The following PRKCQ variants were observed in gnomAD, a reference collection of about 807,000 sequenced individuals.
The protein encoded by PRKCQ is protein kinase C theta.
A neutral mutation model predicts 91.2 loss-of-function variants in PRKCQ; 41 were observed. That is an observed-to-expected ratio of 0.45 (90% confidence interval 0.35 to 0.58). PRKCQ has a LOEUF of 0.58. Among genes scored for constraint, PRKCQ ranks in the 20% least tolerant of loss-of-function variants. The pLI, the probability that PRKCQ is intolerant of heterozygous loss-of-function variation, is 0.00. For synonymous variants in PRKCQ, 307 were observed against 316.9 expected (o/e 0.97, Z 0.33); for missense variants, 673 against 896.5 (o/e 0.75, Z 3.18).
chr10:6,578,739 A>C (rs74701507), intron 1 of PRKCQ, among the ~76,000 whole-genome samples: 3,593 of 152,342 alleles, frequency 0.024, 161 homozygotes, highest in African/African-American at 0.081. Flanking sequence ...TAAACTTCAA[A>C]AGTAATTTGC....
At chr10:6,578,644 G>C (rs1841332154) in intron 1 of PRKCQ, among the ~76,000 whole-genome samples, 1 of 152,182 alleles carries the variant, frequency 6.6e-6, no homozygotes, top group East Asian at 1.9e-4. Context: ...ATCAGCAGGA[G>C]GAAGGGACTA....
chr10:6,483,300 A>G, intron 11 of PRKCQ, 140 bp downstream of exon 11: 4 of 1,122,814 alleles, frequency 3.6e-6, no homozygotes, highest in Non-Finnish European at 5.2e-6. Flanking sequence ...GTCCCTATTT[A>G]TTCAGCGCTC....
chr10:6,475,532 GAAT>G (rs1396838951), intron 12 of PRKCQ, among the ~76,000 whole-genome samples: 1 of 152,186 alleles, frequency 6.6e-6, no homozygotes, highest in Non-Finnish European at 1.5e-5. Context: ...AGAATCTCCT[GAAT>G]AATCTGGTAT....
the PRKCQ span, among the ~76,000 whole-genome samples, chr10:6,403,831 A>T: frequency 4.8e-5 from 6 of 124,060 alleles, no homozygotes; most frequent in Non-Finnish European, 9.2e-5. Flanking sequence ...GGGATAAATG[A>T]ATGAAAAAAA....
the PRKCQ span, among the ~76,000 whole-genome samples, chr10:6,420,322 T>G: frequency 4.6e-5 from 7 of 152,158 alleles, no homozygotes; most frequent in South Asian, 6.2e-4. Context: ...GGGAGCTGCT[T>G]TGTGTGGACG....
rs116026752 is a variant in PRKCQ, at chr10:6,487,583, C to T, written c.791-1439G>A. Among the ~76,000 whole-genome samples, 816 of 152,282 alleles carry T rather than the reference C, an allele frequency of 5.4e-3. 8 individuals are homozygous for T. The highest frequency in any genetic ancestry group is 0.018 in the African/African-American group (767 of 41,544). On this transcript the variant is annotated intron_variant, in intron 8 of 17. Coordinates refer to ENST00000263125, the MANE Select transcript of PRKCQ (RefSeq NM_006257.5). ...GATTCATGAATCTTGAAAACAGTAG[C>T]ATAGAATCTAACTTCCATTGCCAGT...
intron 12 of PRKCQ, among the ~76,000 whole-genome samples, chr10:6,471,601 T>A (rs1316607480): frequency 6.7e-6 from 1 of 149,638 alleles, no homozygotes; most frequent in Non-Finnish European, 1.5e-5. Context: ...GAAAAAAAAA[T>A]TAGCTGGGCG....
intron 1 of PRKCQ, among the ~76,000 whole-genome samples, chr10:6,535,243 A>C (rs1194783743): frequency 6.6e-6 from 1 of 152,104 alleles, no homozygotes; most frequent in Non-Finnish European, 1.5e-5. Flanking sequence ...TCTCTCTTTC[A>C]CCTAATACCA....
intron 1 of PRKCQ, among the ~76,000 whole-genome samples, chr10:6,550,827 A>G (rs1418541992): frequency 1.3e-5 from 2 of 152,230 alleles, no homozygotes. Context: ...CATTCCCAGC[A>G]AAAGTGCAAA....
intron 11 of PRKCQ, among the ~76,000 whole-genome samples, chr10:6,482,796 G>A (rs1276982059): frequency 6.6e-6 from 1 of 152,126 alleles, no homozygotes; most frequent in Non-Finnish European, 1.5e-5. Flanking sequence ...CTTACGTGGT[G>A]GCAGGTGAGA....
At chr10:6,462,255 C>A (rs748485122) in intron 14 of PRKCQ, 48 bp downstream of exon 14, 15 of 1,538,472 alleles carry the variant, frequency 9.7e-6, no homozygotes, top group Non-Finnish European at 1.3e-5. Flanking sequence ...ATTAACTGAG[C>A]CAGGAAAGCC....
intron 12 of PRKCQ, among the ~76,000 whole-genome samples, chr10:6,472,659 A>G (rs1836050462): frequency 6.6e-6 from 1 of 152,206 alleles, no homozygotes; most frequent in African/African-American, 2.4e-5. Flanking sequence ...TGTTCTGTAC[A>G]ATGACTAGAG....
chr10:6,460,245 C>G (rs113183387), intron 14 of PRKCQ, among the ~76,000 whole-genome samples: 4 of 150,516 alleles, frequency 2.7e-5, no homozygotes, highest in African/African-American at 9.7e-5. Context: ...GGGTAAGACT[C>G]GAAAATGGGT....
At chr10:6,529,305 T>C (rs1355727583) in intron 1 of PRKCQ, among the ~76,000 whole-genome samples, 1 of 152,224 alleles carries the variant, frequency 6.6e-6, no homozygotes, top group Non-Finnish European at 1.5e-5. Flanking sequence ...AATGGAAATG[T>C]AGGACTCTGC....
chr10:6,567,105 A>G lies in PRKCQ; in HGVS notation c.-10+13106T>C, dbSNP rs150292762. On this transcript the variant is annotated intron_variant, in intron 1 of 17. Transcript: ENST00000263125. ...TGCTCTCAGGCTTACTCAAGAGACA[A>G]TAATTGCATTAAAATGTCATTAGGG... is the stretch of plus-strand genomic sequence containing the variant. Among the ~76,000 whole-genome samples the G allele has an allele frequency of 2.7e-3, 406 of 152,314 alleles. 1 individual carries two copies. The highest frequency in any genetic ancestry group is 4.7e-3 in the Non-Finnish European group (320 of 68,022).
intron 15 of PRKCQ, among the ~76,000 whole-genome samples, chr10:6,447,373 C>G (rs887252117): frequency 5.3e-5 from 8 of 149,682 alleles, no homozygotes; most frequent in African/African-American, 1.7e-4. Flanking sequence ...TGCCACTGCA[C>G]TCCAGCCTGG....
At chr10:6,553,610 C>A (rs1001113519) in intron 1 of PRKCQ, among the ~76,000 whole-genome samples, 2 of 151,710 alleles carry the variant, frequency 1.3e-5, no homozygotes, top group Non-Finnish European at 2.9e-5. Flanking sequence ...CCTTCTTCTT[C>A]CTTCCTCCTC....
At chr10:6,504,321 G>C (rs1444348763) in intron 4 of PRKCQ, among the ~76,000 whole-genome samples, 1 of 152,108 alleles carries the variant, frequency 6.6e-6, no homozygotes, top group Non-Finnish European at 1.5e-5. Context: ...CTTCCCATTA[G>C]TTCAAAGCAT....
intron 1 of PRKCQ, among the ~76,000 whole-genome samples, chr10:6,551,735 G>T (rs1016966225): frequency 6.6e-5 from 10 of 152,180 alleles, no homozygotes; most frequent in African/African-American, 2.4e-4. Context: ...GGACATTTAG[G>T]TTGATTCCAT....
Sources: gnomAD v4.1 joint callset for allele counts (sites outside exome capture counted in the v4.1 genomes callset) on GRCh38, gnomAD v4.1.1 for gene constraint, MANE v1.5 for transcripts, NCBI Gene and HGNC (gene_info 2026-07-23, HGNC 2026-07-21) for gene names.